KYNU: variants seen among roughly 807,000 people sequenced by gnomAD.
KYNU encodes L-kynurenine hydrolase.
Under a neutral mutation model 59.2 loss-of-function variants are expected in KYNU, and 54 were observed. The observed-to-expected ratio is 0.91, with a 90% CI of 0.73 to 1.14. The LOEUF (loss-of-function observed/expected upper bound fraction) is 1.14. Ranked by LOEUF, KYNU falls within the 50% of genes most tolerant of loss-of-function variation. The probability of loss-of-function intolerance (pLI) is 0.00; values close to 1 mark genes in which losing one functional copy is unlikely to be tolerated. For synonymous variants in KYNU, 177 were observed against 192.0 expected (o/e 0.92, Z 0.65); for missense variants, 567 against 554.4 (o/e 1.02, Z -0.23).
At chr2:142,980,834 G>A (rs1287774225) in intron 8 of KYNU, among the ~76,000 whole-genome samples, 4 of 152,082 alleles carry the variant, frequency 2.6e-5, no homozygotes, top group Non-Finnish European at 4.4e-5. Context: ...TTGAAAAATT[G>A]CATAAAGTAG....
rs552635750 is a variant in KYNU at position 142,924,819 on chromosome 2, A to G, written c.291-2840A>G. Among the ~76,000 whole-genome samples, 7 of 152,288 alleles carry G rather than the reference A, an allele frequency of 4.6e-5. No homozygotes were observed. In the South Asian group the frequency reaches 1.5e-3, roughly 32 times the overall value. The stretch of plus-strand genomic sequence containing the variant: ...ATATTTTTTCTTAACTTTAATACTG[A>G]TGTTTATAACGGCACTTTAATCTAC... On this transcript the variant is annotated intron_variant, in intron 3 of 13. Transcript: ENST00000264170.
chr2:142,970,404 A>G (rs1390346609), intron 8 of KYNU, among the ~76,000 whole-genome samples: 2 of 152,186 alleles, frequency 1.3e-5, no homozygotes, highest in African/African-American at 2.4e-5. Context: ...TTTTAAAATA[A>G]AGTAAATTTG....
intron 8 of KYNU, among the ~76,000 whole-genome samples, chr2:142,979,684 A>G (rs1350923000): frequency 6.6e-6 from 1 of 152,102 alleles, no homozygotes; most frequent in Non-Finnish European, 1.5e-5. Context: ...ATGGTGGTTT[A>G]TACCTGCAAT....
intron 3 of KYNU, among the ~76,000 whole-genome samples, chr2:142,922,481 G>A (rs1682916629): frequency 6.6e-6 from 1 of 152,146 alleles, no homozygotes; most frequent in South Asian, 2.1e-4. Context: ...ACTCCAGCCT[G>A]GGCAGCAGAG....
At chr2:142,936,052 G>C (rs888880520) in intron 4 of KYNU, among the ~76,000 whole-genome samples, 1 of 152,140 alleles carries the variant, frequency 6.6e-6, no homozygotes, top group Non-Finnish European at 1.5e-5. Flanking sequence ...GAAAGAGGTA[G>C]TGGCTGGGAG....
At chr2:143,000,757 G>C (rs78246117) in intron 10 of KYNU, among the ~76,000 whole-genome samples, 3,649 of 152,244 alleles carry the variant, frequency 0.024, 150 homozygotes, top group African/African-American at 0.084. Context: ...ACAGCAGGTA[G>C]TTTCAGCAGC....
intron 10 of KYNU, among the ~76,000 whole-genome samples, chr2:143,010,942 C>T (rs1301882080): frequency 2.1e-5 from 3 of 145,894 alleles, no homozygotes; most frequent in Non-Finnish European, 4.5e-5. Context: ...AACGTTAGAC[C>T]TAAAACCATA....
chr2:142,981,038 G>T (rs1293059723), intron 8 of KYNU, among the ~76,000 whole-genome samples: 1 of 152,014 alleles, frequency 6.6e-6, no homozygotes, highest in Non-Finnish European at 1.5e-5. Context: ...GTATCTTCCA[G>T]TTCTTTTCTC....
chr2:142,927,989 G>C (rs1403303273), intron 4 of KYNU, among the ~76,000 whole-genome samples: 1 of 151,972 alleles, frequency 6.6e-6, no homozygotes, highest in Non-Finnish European at 1.5e-5. Flanking sequence ...TACTTTAAAT[G>C]TAATATTTAT....
At chr2:142,913,949 C>T (rs1682590736) in intron 2 of KYNU, among the ~76,000 whole-genome samples, 1 of 152,126 alleles carries the variant, frequency 6.6e-6, no homozygotes, top group Non-Finnish European at 1.5e-5. Flanking sequence ...ATGTATTGCC[C>T]TTCTTTGACC....
intron 12 of KYNU, among the ~76,000 whole-genome samples, chr2:143,034,882 T>C (rs1686850480): frequency 6.6e-6 from 1 of 152,252 alleles, no homozygotes; most frequent in African/African-American, 2.4e-5. Flanking sequence ...TAATTTCCTC[T>C]GGTGCCCATA....
intron 2 of KYNU, among the ~76,000 whole-genome samples, chr2:142,889,090 A>C (rs539017897): frequency 6.6e-6 from 1 of 151,964 alleles, no homozygotes; most frequent in African/African-American, 2.4e-5. Context: ...GAACAGAGGT[A>C]CCAACTCAGG....
chr2:142,943,648 G>A (rs564517104), intron 4 of KYNU, among the ~76,000 whole-genome samples: 26 of 152,162 alleles, frequency 1.7e-4, no homozygotes, highest in African/African-American at 3.6e-4. Flanking sequence ...ATCACACAGC[G>A]TTAGCTACAT....
chr2:142,987,768 T>C (rs1241182575), intron 10 of KYNU, among the ~76,000 whole-genome samples: 1 of 151,922 alleles, frequency 6.6e-6, no homozygotes, highest in Non-Finnish European at 1.5e-5. Flanking sequence ...CCCACCCAAA[T>C]CTCATGTAGA....
chr2:142,920,676 A>C (rs1682849948), intron 3 of KYNU, among the ~76,000 whole-genome samples: 1 of 152,228 alleles, frequency 6.6e-6, no homozygotes, highest in Non-Finnish European at 1.5e-5. Context: ...CAGATGATTC[A>C]GAAAGGCTGT....
chr2:142,959,767 C>A (rs1684279410), intron 7 of KYNU, among the ~76,000 whole-genome samples: 2 of 152,180 alleles, frequency 1.3e-5, no homozygotes, highest in East Asian at 3.9e-4. Context: ...GGAAAAAACC[C>A]TCTATTATAG....
In KYNU at chr2:142,918,918, C is replaced by A. The variant is rs186957957; in HGVS notation, c.290+189C>A. Among the ~76,000 whole-genome samples, 101 of 152,344 alleles carry A rather than the reference C, an allele frequency of 6.6e-4. 1 individual carries two copies. The highest frequency in any genetic ancestry group is 2.4e-3 in the African/African-American group (98 of 41,580). ...CCACAATGGTCAAGTCCCTTATATA[C>A]AAATGGCATCATATTTCCAAAGAAC... On this transcript the variant is annotated intron_variant, in intron 3 of 13. Coordinates refer to ENST00000264170, the MANE Select transcript of KYNU (RefSeq NM_003937.3).
At chr2:142,941,189 T>G (rs1185175917) in intron 4 of KYNU, among the ~76,000 whole-genome samples, 2 of 152,194 alleles carry the variant, frequency 1.3e-5, no homozygotes, top group Non-Finnish European at 2.9e-5. Flanking sequence ...GAGATGTCTC[T>G]CAGGGCCCCA....
Position 143,042,276 on chromosome 2 carries a change from A to G in KYNU, c.*104A>G. On this transcript the variant is annotated 3_prime_UTR_variant, in exon 14 of 14. Transcript: ENST00000264170. Reference sequence around the variant, plus strand: ...TTGAAAGTATGTCACCATTGACCACATGTAACTAACAATAAATAATATACC... The same window carrying G: ...TTGAAAGTATGTCACCATTGACCACGTGTAACTAACAATAAATAATATACC... 3.6e-6 allele frequency: 4 copies of G among 1,117,952 alleles called. No homozygotes were observed. The highest frequency in any genetic ancestry group is 5.3e-6 in the Non-Finnish European group (4 of 756,198). 69.3% of individuals were successfully genotyped at this position (1,117,952 alleles called of 1,614,324 possible).
Sources: allele counts gnomAD v4.1 joint callset (sites outside exome capture counted in the v4.1 genomes callset), GRCh38; gene constraint gnomAD v4.1.1; transcripts MANE v1.5; gene names NCBI Gene and HGNC (gene_info 2026-07-23, HGNC 2026-07-21).